The following PPP2R5C variants were observed in gnomAD, a reference collection of about 807,000 sequenced individuals.
PPP2R5C encodes serine/threonine-protein phosphatase 2A 56 kDa regulatory subunit gamma isoform.
A neutral mutation model predicts 68.9 loss-of-function variants in PPP2R5C; 7 were observed. The ratio of observed to expected loss-of-function variants is 0.10; its 90% CI spans 0.06 to 0.19. PPP2R5C has a LOEUF of 0.19. Ranked by LOEUF, PPP2R5C falls within the 10% of genes least tolerant of loss-of-function variation. The pLI, the probability that PPP2R5C is intolerant of heterozygous loss-of-function variation, is 1.00. For missense variants in PPP2R5C, 348 were observed against 641.3 expected (o/e 0.54, Z 4.94); for synonymous variants, 210 against 222.2 (o/e 0.95, Z 0.49).
rs772304376 is a variant in PPP2R5C at position 101,915,138 on chromosome 14, G to A, written c.1326+2665G>A. Reference sequence around the variant, plus strand: ...GTTACCCAGGCTGGAGTGCAGTGGCGTGATCTCGGCTCACCACAACCTCCG... The same window carrying A: ...GTTACCCAGGCTGGAGTGCAGTGGCATGATCTCGGCTCACCACAACCTCCG... On this transcript the variant is annotated intron_variant, in intron 12 of 13. Coordinates refer to ENST00000334743, the Ensembl canonical transcript of PPP2R5C. The surrounding 1 kb of genome is among the most constrained non-coding windows in gnomAD (Gnocchi z 4.2). Among the ~76,000 whole-genome samples, 5 of 152,136 alleles carry A rather than the reference G, an allele frequency of 3.3e-5. No homozygotes were observed. Among genetic ancestry groups the A allele is most frequent in the Non-Finnish European group, 4.4e-5 (3 of 68,016 alleles).
intron 1 of PPP2R5C, 83 bp downstream of exon 1, chr14:101,762,003 CG>C: frequency 1.8e-6 from 2 of 1,138,030 alleles, no homozygotes; most frequent in Non-Finnish European, 1.1e-6. Context: ...GTCCTGCGCC[CG>C]GGCCCCGGCT....
At position 101,797,825 on chromosome 14, in the gene PPP2R5C, C is replaced by A. The variant is rs2038687734; in HGVS notation, c.259+11642C>A. 6.5e-6 allele frequency: 1 copy of A among 154,926 alleles called. No individual in the cohort carries two copies. The allele number at this position is 154,926 out of a possible 1,614,324, so 9.6% of individuals were successfully genotyped here. A position where few individuals can be genotyped will look rare whatever the true frequency, so the allele number is the denominator to read the frequency against. Reference sequence around the variant, plus strand: ...CTAGCTGTAGGAAGTATGAAAGTAACCAAGGTCTCACACACAGCCCCAGCA... The same window carrying A: ...CTAGCTGTAGGAAGTATGAAAGTAAACAAGGTCTCACACACAGCCCCAGCA... On this transcript the variant is annotated intron_variant, in intron 3 of 14. Transcript: ENST00000328724. This position sits in a 1 kb window ranked among gnomAD's most constrained non-coding sequence, Gnocchi z 4.2.
At chr14:101,857,761 C>A (rs1475009804) in intron 2 of PPP2R5C, among the ~76,000 whole-genome samples, 3 of 152,186 alleles carry the variant, frequency 2.0e-5, no homozygotes, top group African/African-American at 7.2e-5. Flanking sequence ...GTACCCCCCA[C>A]ACACACACTT....
Position 101,771,222 on chromosome 14 carries a change from C to CTGTGTGT in PPP2R5C, c.93+8252_93+8253insTGTGTGT, listed in dbSNP as rs373554849. On this transcript the variant is annotated intron_variant, in intron 2 of 14. Coordinates refer to the PPP2R5C transcript ENST00000328724. Reference sequence around the variant, plus strand: ...AGGGCATTTGGCTTTTTCTTCATCTCGTGTGTGTGTGTGTGTGTGTGTGTG... The same window carrying CTGTGTGT: ...AGGGCATTTGGCTTTTTCTTCATCTCTGTGTGTGTGTGTGTGTGTGTGTGTGTGTGTG... 5.2e-5 allele frequency among the ~76,000 whole-genome samples: 7 copies of CTGTGTGT among 135,490 alleles called. No individual in the cohort carries two copies. The East Asian group carries it at 1.6e-3, about 31-fold the overall frequency. The allele number at this position is 135,490 out of a possible 152,430, so 88.9% of individuals were successfully genotyped here. A position where few individuals can be genotyped will look rare whatever the true frequency, so the allele number is the denominator to read the frequency against.
At chr14:101,800,573 A>T (rs553655953) in intron 3 of PPP2R5C, among the ~76,000 whole-genome samples, 2 of 152,004 alleles carry the variant, frequency 1.3e-5, no homozygotes, top group East Asian at 3.9e-4. Context: ...AAAATAAAAT[A>T]AAAATTAAAA....
At chr14:101,837,145 G>A (rs1444024448) in intron 1 of PPP2R5C, among the ~76,000 whole-genome samples, 1 of 152,016 alleles carries the variant, frequency 6.6e-6, no homozygotes, top group Non-Finnish European at 1.5e-5. Context: ...TTTGTGTTTT[G>A]TTTTGTTTTG....
Position 101,901,773 on chromosome 14 carries a change from A to G in PPP2R5C, c.907A>G (p.Met303Val). 6.2e-7 allele frequency: 1 copy of G among 1,614,084 alleles called. No individual in the cohort carries two copies. Among genetic ancestry groups the G allele is most frequent in the Non-Finnish European group, 8.5e-7 (1 of 1,179,914 alleles). ...AAAGACTCACAGTCCAAAAGAAGTA[A>G]TGTTCTTAAACGAATTAGAAGAGAT... Residue 303 changes from methionine (M) to valine (V), a missense_variant, in exon 9 of 14, where the codon ATG (methionine) becomes GTG (valine). Physicochemically the swap from Met to Val is conservative, Grantham distance 21. Transcript: ENST00000334743.
At chr14:101,884,376 C>A (rs530209276) in intron 5 of PPP2R5C, among the ~76,000 whole-genome samples, 1 of 152,344 alleles carries the variant, frequency 6.6e-6, no homozygotes, top group Admixed American at 6.5e-5. Context: ...CAATACTTTG[C>A]ATCCTTCAAT....
intron 2 of PPP2R5C, 51 bp from the exon 3 acceptor site, chr14:101,785,966 AC>A: frequency 3.9e-5 from 57 of 1,448,542 alleles, no homozygotes; most frequent in Non-Finnish European, 5.1e-5. Flanking sequence ...TAATAGTGCT[AC>A]AAAATACAAC....
chr14:101,819,791 T>C (rs1442430153), intron 1 of PPP2R5C: 1 of 152,254 alleles, frequency 6.6e-6, no homozygotes, highest in Non-Finnish European at 1.5e-5. Flanking sequence ...TGGTTTTTTG[T>C]TGTTGTTGTT....
In PPP2R5C at chr14:101,910,115, C is replaced by T. The variant is rs1205866039; in HGVS notation, c.1253+425C>T. Among the ~76,000 whole-genome samples, 4 of 152,200 alleles carry T rather than the reference C, an allele frequency of 2.6e-5. 1 individual carries two copies. The highest frequency in any genetic ancestry group is 4.8e-5 in the African/African-American group (2 of 41,454). On this transcript the variant is annotated intron_variant, in intron 11 of 13. Transcript: ENST00000334743. Reference sequence around the variant, plus strand: ...CTTTATTCTGATTTAATGAACTCAGCGATGTGGGTGTTCTCTGGAATCTAG... The same window carrying T: ...CTTTATTCTGATTTAATGAACTCAGTGATGTGGGTGTTCTCTGGAATCTAG...
chr14:101,804,187 A>C (rs1366707974), intron 3 of PPP2R5C, among the ~76,000 whole-genome samples: 3 of 152,248 alleles, frequency 2.0e-5, no homozygotes, highest in Non-Finnish European at 4.4e-5. Context: ...ATCTCATACC[A>C]GTTAAAATGG....
upstream of PPP2R5C, among the ~76,000 whole-genome samples, chr14:101,808,230 G>T (rs571341405): frequency 2.2e-4 from 34 of 151,908 alleles, 1 homozygote; most frequent in South Asian, 1.5e-3. Context: ...AGAGGCAGGA[G>T]GGCAGCTAAG....
At position 101,781,561 on chromosome 14, in the gene PPP2R5C, A is replaced by G. The variant is rs1407765512; in HGVS notation, c.94-4457A>G. The stretch of plus-strand genomic sequence containing the variant: ...GCGCCTGACGCACCCCTCTGCCCCA[A>G]CCACGTTTTCTCAAGAGTGTTGTCT... On this transcript the variant is annotated intron_variant, in intron 2 of 14. Coordinates refer to the PPP2R5C transcript ENST00000328724. The surrounding 1 kb of genome is among the most constrained non-coding windows in gnomAD (Gnocchi z 6.4). Among the ~76,000 whole-genome samples, 1 of 150,610 alleles carries G rather than the reference A, an allele frequency of 6.6e-6. No individual in the cohort carries two copies. The highest frequency in any genetic ancestry group is 2.0e-4 in the East Asian group (1 of 5,028).
chr14:101,808,280 T>TA (rs1001033469), upstream of PPP2R5C, among the ~76,000 whole-genome samples: 16 of 149,584 alleles, frequency 1.1e-4, no homozygotes, highest in African/African-American at 2.0e-4. Flanking sequence ...ACGTGCTCTT[T>TA]AAAAAAAAAA....
intron 5 of PPP2R5C, among the ~76,000 whole-genome samples, chr14:101,884,531 G>T (rs2044363521): frequency 6.6e-6 from 1 of 152,238 alleles, no homozygotes; most frequent in Admixed American, 6.5e-5. Flanking sequence ...TGAGATCTGT[G>T]CACCTCGGTT....
chr14:101,925,161 G>A (rs773983224), exon 14 of PPP2R5C: 3 of 1,613,982 alleles, frequency 1.9e-6, no homozygotes, highest in Non-Finnish European at 1.7e-6. Context: ...ATCCGAAGAA[G>A]GACCGTCCTC....
intron 1 of PPP2R5C, among the ~76,000 whole-genome samples, chr14:101,828,885 G>A (rs2040562291): frequency 6.6e-6 from 1 of 151,962 alleles, no homozygotes; most frequent in African/African-American, 2.4e-5. Flanking sequence ...CATTATGCTG[G>A]CCAGGCTGTT....
rs537063373 is a variant in PPP2R5C at position 101,901,678 on chromosome 14, C to T, written c.853-41C>T. ...CTTCTTACCATGCAGGTGTTGGGGCCTCGTGGGCATCAGTCACTCCACGTG... is the reference window on the plus strand; with the variant it reads ...CTTCTTACCATGCAGGTGTTGGGGCTTCGTGGGCATCAGTCACTCCACGTG... On this transcript the variant is annotated intron_variant, in intron 8 of 13. Coordinates refer to ENST00000334743, the Ensembl canonical transcript of PPP2R5C. 7 of 1,602,558 alleles carry T rather than the reference C, an allele frequency of 4.4e-6. No homozygotes were observed. The African/African-American group carries it at 5.4e-5, about 12-fold the overall frequency.
Sources: gnomAD v4.1 joint callset for allele counts (sites outside exome capture counted in the v4.1 genomes callset) on GRCh38, gnomAD v4.1.1 for gene constraint, Gnocchi (gnomAD v3.1) non-coding constraint, MANE v1.5 for transcripts, NCBI Gene and HGNC (gene_info 2026-07-23, HGNC 2026-07-21) for gene names.